ZMYND8: variants seen among roughly 807,000 people sequenced by gnomAD.
ZMYND8 encodes the protein MYND-type zinc finger-containing chromatin reader ZMYND8.
In ZMYND8, 37 loss-of-function variants were observed where a neutral mutation model predicts 140.8. The ratio of observed to expected loss-of-function variants is 0.26; its 90% confidence interval spans 0.20 to 0.35. The LOEUF (loss-of-function observed/expected upper bound fraction) is 0.35. Among genes scored for constraint, ZMYND8 ranks in the 10% least tolerant of loss-of-function variants. The probability of loss-of-function intolerance (pLI) is 1.00; values close to 1 mark genes in which losing one functional copy is unlikely to be tolerated. For synonymous variants in ZMYND8, 592 were observed against 597.1 expected, an observed-to-expected ratio of 0.99 and a Z score of 0.12; for missense variants, 1,068 against 1,570.0, an observed-to-expected ratio of 0.68 and a Z score of 5.40.
At position 47,252,192 on chromosome 20, in the gene ZMYND8, G is replaced by A. The variant is rs570511822; in HGVS notation, c.1622-2753C>T. Among the ~76,000 whole-genome samples the A allele has an allele frequency of 1.3e-3, 190 of 150,450 alleles. 1 individual carries two copies. Among genetic ancestry groups the A allele is most frequent in the African/African-American group, 4.5e-3 (183 of 40,844 alleles). On this transcript the variant is annotated intron_variant, in intron 12 of 22. Coordinates refer to ENST00000471951, the MANE Select transcript of ZMYND8 (RefSeq NM_001281775.3). ...GCCTGTAATCCCCGGTACTCAGGAG[G>A]CTGAGGCAGGAGAACACTTGAACCC... is the stretch of plus-strand genomic sequence containing the variant.
intron 11 of ZMYND8, among the ~76,000 whole-genome samples, chr20:47,267,909 T>G (rs553277060): frequency 3.6e-4 from 55 of 152,204 alleles, no homozygotes; most frequent in African/African-American, 1.3e-3. Context: ...AGGTCCCAGC[T>G]CAAACATCAC....
At chr20:47,313,576 C>T (rs573745605) in intron 2 of ZMYND8, among the ~76,000 whole-genome samples, 325 of 151,416 alleles carry the variant, frequency 2.1e-3, no homozygotes, top group African/African-American at 7.5e-3. Flanking sequence ...GAGCCAAGAT[C>T]GCACCACTGC....
intron 16 of ZMYND8, among the ~76,000 whole-genome samples, chr20:47,233,351 C>T (rs1568936512): frequency 6.6e-6 from 1 of 151,962 alleles, no homozygotes; most frequent in African/African-American, 2.4e-5. Flanking sequence ...CTGAGACTAC[C>T]GGCATGTGCC....
At chr20:47,287,324 AC>A (rs747306122) in intron 7 of ZMYND8, 40 bp from the exon 8 acceptor site, 2 of 1,523,970 alleles carry the variant, frequency 1.3e-6, no homozygotes, top group African/African-American at 2.7e-5. Context: ...TAATGGAAAT[AC>A]CGCAACACCG....
At chr20:47,212,615 GCT>G in intron 22 of ZMYND8, 25 bp downstream of exon 22, 1 of 1,612,400 alleles carries the variant, frequency 6.2e-7, no homozygotes, top group Non-Finnish European at 8.5e-7. Flanking sequence ...AGCCCCGGCA[GCT>G]TTCGTAAGAC....
At chr20:47,221,201 G>A in intron 20 of ZMYND8, 113 bp downstream of exon 20, 1 of 1,428,868 alleles carries the variant, frequency 7.0e-7, no homozygotes, top group Non-Finnish European at 9.5e-7. Flanking sequence ...CCGGCACACT[G>A]TTAGGACAAG....
intron 2 of ZMYND8, among the ~76,000 whole-genome samples, chr20:47,316,977 G>A (rs1384801917): frequency 1.3e-5 from 2 of 152,076 alleles, no homozygotes; most frequent in African/African-American, 2.4e-5. Flanking sequence ...GAGCAGTACT[G>A]GGATTTCAAC....
intron 2 of ZMYND8, among the ~76,000 whole-genome samples, chr20:47,315,427 CAGG>C (rs953315373): frequency 3.9e-5 from 6 of 152,150 alleles, no homozygotes; most frequent in Admixed American, 2.6e-4. Flanking sequence ...CAGTCAACAG[CAGG>C]AGATTTCAAT....
intron 3 of ZMYND8, among the ~76,000 whole-genome samples, chr20:47,303,231 T>C (rs888196684): frequency 4.6e-5 from 7 of 152,200 alleles, no homozygotes; most frequent in Middle Eastern, 3.4e-3. Context: ...GAACTCCTGT[T>C]GAAAGATAAG....
intron 21 of ZMYND8, among the ~76,000 whole-genome samples, chr20:47,214,651 G>A (rs76611933): frequency 0.039 from 5,965 of 152,122 alleles, 377 homozygotes; most frequent in African/African-American, 0.13. Flanking sequence ...GTGTCACCAC[G>A]CCTAGCTAAT....
intron 4 of ZMYND8, among the ~76,000 whole-genome samples, chr20:47,297,995 C>T (rs1226880112): frequency 6.6e-6 from 1 of 152,212 alleles, no homozygotes; most frequent in Non-Finnish European, 1.5e-5. Context: ...GCATGGCTCA[C>T]TCCTCTCTTT....
chr20:47,295,385 CCT>C (rs1333014152), intron 4 of ZMYND8, among the ~76,000 whole-genome samples: 3 of 151,902 alleles, frequency 2.0e-5, no homozygotes, highest in African/African-American at 4.8e-5. Flanking sequence ...AGAGCGAGAC[CCT>C]GTCTCAAAAA....
intron 16 of ZMYND8, among the ~76,000 whole-genome samples, chr20:47,234,488 T>C (rs1417368013): frequency 2.6e-5 from 4 of 152,202 alleles, no homozygotes; most frequent in African/African-American, 9.7e-5. Flanking sequence ...GTGGATCCTT[T>C]CCCAGTTGAG....
chr20:47,281,166 G>A (rs1261561301), intron 10 of ZMYND8, among the ~76,000 whole-genome samples: 1 of 152,160 alleles, frequency 6.6e-6, no homozygotes, highest in Non-Finnish European at 1.5e-5. Context: ...ACCAAATCCA[G>A]CACCATCTCA....
intron 3 of ZMYND8, among the ~76,000 whole-genome samples, chr20:47,304,271 C>T (rs945605780): frequency 2.0e-5 from 3 of 152,198 alleles, no homozygotes; most frequent in Non-Finnish European, 4.4e-5. Context: ...TGTCTATTTG[C>T]TTCTGGAATA....
At chr20:47,338,472 C>T (rs922422593) in intron 2 of ZMYND8, among the ~76,000 whole-genome samples, 4 of 152,046 alleles carry the variant, frequency 2.6e-5, no homozygotes, top group African/African-American at 9.7e-5. Context: ...CATCCCACTG[C>T]GGACGCTGAG....
chr20:47,215,489 T>A (rs1318805106), intron 21 of ZMYND8, among the ~76,000 whole-genome samples: 1 of 150,166 alleles, frequency 6.7e-6, no homozygotes, highest in Non-Finnish European at 1.5e-5. Flanking sequence ...GAAAGGGAAA[T>A]GGAGACAAAT....
intron 1 of ZMYND8, 199 bp from the exon 2 acceptor site, chr20:47,348,125 CT>C (rs367646500): frequency 0.07 from 29,443 of 423,406 alleles, 83 homozygotes; most frequent in South Asian, 0.085. Context: ...CTAGGTTGTT[CT>C]TTTTTTTTTT....
chr20:47,334,300 G>A (rs908026008), intron 2 of ZMYND8, among the ~76,000 whole-genome samples: 2 of 152,080 alleles, frequency 1.3e-5, no homozygotes, highest in Non-Finnish European at 2.9e-5. Context: ...TGTCACTTCC[G>A]CACCACTATA....
Sources: gnomAD v4.1 joint callset for allele counts (sites outside exome capture counted in the v4.1 genomes callset) on GRCh38, gnomAD v4.1.1 for gene constraint, MANE v1.5 for transcripts, NCBI Gene and HGNC (gene_info 2026-07-23, HGNC 2026-07-21) for gene names.